Variants in GRHL3 observed in about 807,000 individuals in gnomAD.
GRHL3 encodes grainyhead like transcription factor 3.
GRHL3 carries 20 observed loss-of-function variants against 70.3 expected under a neutral mutation model. The ratio of observed to expected loss-of-function variants is 0.28; its 90% CI spans 0.20 to 0.41. GRHL3 has a LOEUF of 0.41. GRHL3 is among the 10% of genes least tolerant of loss of function. The pLI is 1.00. For missense variants in GRHL3, 637 were observed against 762.3 expected, an observed-to-expected ratio of 0.84 and a Z score of 1.94; for synonymous variants, 299 against 299.9, an observed-to-expected ratio of 1.00 and a Z score of 0.03.
At chr1:24,349,485 C>T (rs1429028525) in intron 14 of GRHL3, among the ~76,000 whole-genome samples, 8 of 152,192 alleles carry the variant, frequency 5.3e-5, no homozygotes, top group Admixed American at 5.2e-4. Flanking sequence ...CAACACTGAC[C>T]GCTTATTCAG....
chr1:24,337,573 T>G, intron 5 of GRHL3, 63 bp from the exon 6 acceptor site: 2 of 1,557,854 alleles, frequency 1.3e-6, no homozygotes, highest in Non-Finnish European at 1.8e-6. Context: ...CCTGCCCCAC[T>G]GCCCTCTAGG....
chr1:24,320,905 C>T (rs895423051), intron 1 of GRHL3, among the ~76,000 whole-genome samples: 2 of 152,136 alleles, frequency 1.3e-5, no homozygotes, highest in African/African-American at 4.8e-5. Context: ...AAATAGTGGC[C>T]AACAGTAGTA....
intron 15 of GRHL3, among the ~76,000 whole-genome samples, chr1:24,363,814 C>G (rs1641277349): frequency 6.6e-6 from 1 of 152,082 alleles, no homozygotes. Context: ...GCAGAGGGAA[C>G]AGCAGGAGCA....
chr1:24,352,783 C>A (rs1238476405), intron 15 of GRHL3, among the ~76,000 whole-genome samples: 2 of 152,150 alleles, frequency 1.3e-5, no homozygotes, highest in African/African-American at 4.8e-5. Context: ...CTCCCGTGCC[C>A]AAAGAGCCCT....
At chr1:24,335,872 G>A (rs1027357889) in intron 3 of GRHL3, among the ~76,000 whole-genome samples, 1 of 152,096 alleles carries the variant, frequency 6.6e-6, no homozygotes, top group Admixed American at 6.6e-5. Flanking sequence ...GTGAGCCACC[G>A]CGCCCTGCCA....
intron 11 of GRHL3, chr1:24,343,390 C>T (rs2148660896): frequency 4.2e-6 from 1 of 240,872 alleles, no homozygotes; most frequent in Non-Finnish European, 8.3e-6. Context: ...TCCCAGGCAT[C>T]ACCGTCCTTA....
intron 3 of GRHL3, among the ~76,000 whole-genome samples, chr1:24,335,840 C>T (rs1054134923): frequency 6.6e-6 from 1 of 152,186 alleles, no homozygotes; most frequent in Non-Finnish European, 1.5e-5. Context: ...CCTCGGCCTC[C>T]CTAAGAGCTG....
chr1:24,330,094 T>C (rs1465848070), intron 1 of GRHL3, among the ~76,000 whole-genome samples: 1 of 152,192 alleles, frequency 6.6e-6, no homozygotes, highest in East Asian at 1.9e-4. Flanking sequence ...ATAATGGACA[T>C]ATAATAATTG....
chr1:24,362,315 CT>C (rs1165416713), intron 15 of GRHL3, among the ~76,000 whole-genome samples: 1 of 152,188 alleles, frequency 6.6e-6, no homozygotes, highest in African/African-American at 2.4e-5. Context: ...TTATAGGCAC[CT>C]TTGTAGGAAT....
rs1043445403 is a variant in GRHL3, at chr1:24,337,617, C to T, written c.687-19C>T. 2 of 1,613,176 alleles carry T rather than the reference C, an allele frequency of 1.2e-6. No homozygotes were observed. The highest frequency in any genetic ancestry group is 2.7e-5 in the African/African-American group (2 of 74,912). ...TGCCTGGGAGCCCAGCCTCACTGTCCTCTCCCTCCTCCCTGCAGTGACTTT... is the reference window on the plus strand; with the variant it reads ...TGCCTGGGAGCCCAGCCTCACTGTCTTCTCCCTCCTCCCTGCAGTGACTTT... On this transcript the variant is annotated intron_variant, in intron 5 of 15. Transcript: ENST00000361548.
At chr1:24,335,184 C>T (rs947764944) in intron 3 of GRHL3, among the ~76,000 whole-genome samples, 1 of 152,190 alleles carries the variant, frequency 6.6e-6, no homozygotes, top group Admixed American at 6.5e-5. Context: ...AAAACCCTCT[C>T]CCCTGAAGAC....
chr1:24,344,470 G>T (rs1216311207), intron 11 of GRHL3, among the ~76,000 whole-genome samples: 2 of 118,502 alleles, frequency 1.7e-5, no homozygotes, highest in African/African-American at 6.6e-5. Context: ...CAGCCTGGGA[G>T]ACTCTTTCCC....
At chr1:24,337,961 C>T (rs138063839) in intron 6 of GRHL3, 31 bp from the exon 7 acceptor site, 270 of 1,562,948 alleles carry the variant, frequency 1.7e-4, no homozygotes, top group Non-Finnish European at 2.2e-4. Context: ...AGGAAGAGGC[C>T]GGGAGTGACT....
intron 15 of GRHL3, among the ~76,000 whole-genome samples, chr1:24,353,506 T>G (rs1420147070): frequency 7.7e-5 from 5 of 64,622 alleles, no homozygotes; most frequent in Admixed American, 2.2e-4. Flanking sequence ...TGTGTATGGG[T>G]GGGTAGATGG....
chr1:24,336,754 T>C lies in GRHL3; in HGVS notation c.539T>C (p.Phe180Ser). The stretch of plus-strand genomic sequence containing the variant: ...GATAATGGCTCCCTCAACTCCTTGT[T>C]TGAGAGCATTCATGGGGTGCCGCCC... ...MYDNGSLNSL[F>S]ESIHGVPPTQ... is the part of the protein sequence containing the mutation. Residue 180 changes from phenylalanine (F) to serine (S), a missense_variant, in exon 4 of 16, where the codon TTT (phenylalanine) becomes TCT (serine). By Grantham distance (155) the Phe-to-Ser change is radical. This residue lies in a region of GRHL3 where 250 missense variants were observed against 248.6 expected (regional missense o/e 1.01). Coordinates refer to ENST00000361548, the MANE Select transcript of GRHL3 (RefSeq NM_198173.3). 6.2e-7 allele frequency: 1 copy of C among 1,613,976 alleles called. No individual in the cohort carries two copies. The highest frequency in any genetic ancestry group is 8.5e-7 in the Non-Finnish European group (1 of 1,179,974).
intron 1 of GRHL3, among the ~76,000 whole-genome samples, chr1:24,330,559 T>C (rs1227091563): frequency 3.9e-5 from 6 of 152,252 alleles, no homozygotes; most frequent in Admixed American, 1.3e-4. Context: ...GCCTAACGCA[T>C]GGCCAGTGTT....
chr1:24,329,167 C>A (rs1639509649), intron 1 of GRHL3, among the ~76,000 whole-genome samples: 1 of 152,230 alleles, frequency 6.6e-6, no homozygotes, highest in Non-Finnish European at 1.5e-5. Context: ...CTCTTTCCTG[C>A]GTGACAGCTC....
downstream of GRHL3, chr1:24,358,151 G>C: frequency 4.2e-6 from 2 of 475,544 alleles, no homozygotes; most frequent in South Asian, 3.1e-5. Context: ...GGAAGGGTGG[G>C]GCTTCCAGGC....
chr1:24,330,741 C>T (rs1439244376), intron 1 of GRHL3, among the ~76,000 whole-genome samples: 1 of 152,226 alleles, frequency 6.6e-6, no homozygotes, highest in East Asian at 1.9e-4. Context: ...TGGCTTGTCT[C>T]TTGAGCGAGA....
Sources: allele counts gnomAD v4.1 joint callset (sites outside exome capture counted in the v4.1 genomes callset), GRCh38; gene constraint gnomAD v4.1.1; regional missense constraint gnomAD v4.1.1; transcripts MANE v1.5; gene names NCBI Gene and HGNC (gene_info 2026-07-23, HGNC 2026-07-21).